Variants in SLC38A4 observed in about 807,000 individuals in gnomAD.
SLC38A4 encodes solute carrier family 38 member 4.
SLC38A4 carries 20 observed loss-of-function variants against 63.1 expected under a neutral mutation model. The ratio of observed to expected loss-of-function variants is 0.32; its 90% CI spans 0.22 to 0.46. SLC38A4 has a LOEUF of 0.46. Among genes scored for constraint, SLC38A4 ranks in the 20% least tolerant of loss-of-function variants. SLC38A4 has a pLI of 1.00. For missense variants in SLC38A4, 526 were observed against 663.6 expected, an observed-to-expected ratio of 0.79 and a Z score of 2.28; for synonymous variants, 230 against 225.5, an observed-to-expected ratio of 1.02 and a Z score of -0.18.
chr12:46,807,706 A>G (rs2120879814), intron 1 of SLC38A4, among the ~76,000 whole-genome samples: 1 of 152,148 alleles, frequency 6.6e-6, no homozygotes, highest in Non-Finnish European at 1.5e-5. Flanking sequence ...AAATAGCAGA[A>G]TTCTCTGCCA....
At chr12:46,784,973 C>G (rs919164728) in intron 6 of SLC38A4, 131 bp downstream of exon 6, 2 of 826,084 alleles carry the variant, frequency 2.4e-6, no homozygotes, top group Non-Finnish European at 2.0e-6. Flanking sequence ...ACTGAGAGAT[C>G]GTGTCACTGG....
intron 1 of SLC38A4, among the ~76,000 whole-genome samples, chr12:46,822,950 A>G (rs568151483): frequency 6.6e-6 from 1 of 152,348 alleles, no homozygotes; most frequent in East Asian, 1.9e-4. Context: ...TGCAACATAC[A>G]CAGTTTAACA....
chr12:46,810,580 C>T (rs565363984), intron 1 of SLC38A4, among the ~76,000 whole-genome samples: 27 of 151,352 alleles, frequency 1.8e-4, no homozygotes, highest in African/African-American at 6.3e-4. Context: ...AAATTATATA[C>T]ATAACATATA....
At chr12:46,774,223 A>G (rs1341712520) in intron 14 of SLC38A4, among the ~76,000 whole-genome samples, 1 of 152,100 alleles carries the variant, frequency 6.6e-6, no homozygotes, top group East Asian at 1.9e-4. Context: ...CATTATAGAA[A>G]TAGTCTTCAT....
At chr12:46,769,070 A>G (rs1938357879) in intron 15 of SLC38A4, among the ~76,000 whole-genome samples, 1 of 152,094 alleles carries the variant, frequency 6.6e-6, no homozygotes, top group Non-Finnish European at 1.5e-5. Context: ...TATCAGAAAA[A>G]GCAGCTTGAC....
At chr12:46,828,912 A>G (rs1354596244), upstream of SLC38A4, among the ~76,000 whole-genome samples, 1 of 152,188 alleles carries the variant, frequency 6.6e-6, no homozygotes, top group African/African-American at 2.4e-5. Context: ...CATTTCTCCT[A>G]TCTCTCACAC....
intron 7 of SLC38A4, among the ~76,000 whole-genome samples, chr12:46,780,473 C>G (rs1938616364): frequency 6.6e-6 from 1 of 151,974 alleles, no homozygotes; most frequent in African/African-American, 2.4e-5. Flanking sequence ...AGATGGGCAC[C>G]AATCTAGTCC....
At chr12:46,771,369 A>G (rs554158768) in intron 14 of SLC38A4, among the ~76,000 whole-genome samples, 2 of 152,232 alleles carry the variant, frequency 1.3e-5, no homozygotes, top group Non-Finnish European at 2.9e-5. Context: ...GAATAGTCAC[A>G]GTTTGTTTTT....
At chr12:46,785,055 CTT>C (rs1409637984) in intron 6 of SLC38A4, 47 bp downstream of exon 6, 1 of 1,406,236 alleles carries the variant, frequency 7.1e-7, no homozygotes, top group Non-Finnish European at 1.0e-6. Flanking sequence ...CTGAAATACT[CTT>C]TTATGAGAAT....
intron 2 of SLC38A4, among the ~76,000 whole-genome samples, chr12:46,795,696 C>T (rs1453647222): frequency 6.6e-6 from 1 of 152,012 alleles, no homozygotes; most frequent in Non-Finnish European, 1.5e-5. Flanking sequence ...TGCCTTCAAA[C>T]TTTGTTAATT....
At chr12:46,808,676 C>T (rs1042498051) in intron 1 of SLC38A4, among the ~76,000 whole-genome samples, 1 of 151,952 alleles carries the variant, frequency 6.6e-6, no homozygotes, top group South Asian at 2.1e-4. Context: ...CAGGCTTCCA[C>T]CTAAGCAGAA....
At chr12:46,799,279 C>A (rs906084574) in intron 2 of SLC38A4, among the ~76,000 whole-genome samples, 1 of 152,052 alleles carries the variant, frequency 6.6e-6, no homozygotes, top group African/African-American at 2.4e-5. Context: ...CAAATTAAGA[C>A]CTAATTTTAT....
chr12:46,807,724 G>C (rs1328339277), intron 1 of SLC38A4, among the ~76,000 whole-genome samples: 1 of 151,954 alleles, frequency 6.6e-6, no homozygotes, highest in Non-Finnish European at 1.5e-5. Context: ...CCATGATAAA[G>C]GGGAGTCAAG....
intron 1 of SLC38A4, among the ~76,000 whole-genome samples, chr12:46,815,899 T>G (rs922910783): frequency 6.6e-5 from 10 of 151,980 alleles, no homozygotes; most frequent in Admixed American, 2.6e-4. Context: ...GCATTAGCAT[T>G]CCTTGTCTTG....
chr12:46,785,738 C>CCTTTT (rs1489385010), intron 5 of SLC38A4, among the ~76,000 whole-genome samples: 20 of 66,924 alleles, frequency 3.0e-4, no homozygotes, highest in African/African-American at 1.0e-3. Flanking sequence ...ACGAAAATTC[C>CCTTTT]TTTTTTTTTT....
Position 46,793,048 on chromosome 12 carries a change from A to G in SLC38A4, c.24T>C (p.Asn8=), listed in dbSNP as rs1238217123. The G allele has an allele frequency of 3.7e-6, 6 of 1,612,868 alleles. No individual in the cohort carries two copies. The highest frequency in any genetic ancestry group is 5.1e-6 in the Non-Finnish European group (6 of 1,179,284). ...TCTCATCATCTGGTTCGATGTTGAC[A>G]TTTCTCAGTTCCATGGGATCCATTT... MDPMELR[N]VNIEPDDESS... Residue 8 remains asparagine (N), a synonymous_variant, in exon 3 of 17, where the codon AAT becomes AAC. Transcript: ENST00000266579.
chr12:46,767,243 T>C (rs1454954299), intron 16 of SLC38A4, among the ~76,000 whole-genome samples: 1 of 151,588 alleles, frequency 6.6e-6, no homozygotes, highest in African/African-American at 2.4e-5. Flanking sequence ...TATATATGTG[T>C]GTGTGTGTGT....
At chr12:46,775,896 T>A (rs1375256755) in intron 13 of SLC38A4, among the ~76,000 whole-genome samples, 2 of 151,882 alleles carry the variant, frequency 1.3e-5, no homozygotes, top group African/African-American at 2.4e-5. Flanking sequence ...CACCTCAAGA[T>A]CAGACAAAAA....
intron 1 of SLC38A4, among the ~76,000 whole-genome samples, chr12:46,814,920 C>G (rs1206996348): frequency 1.3e-5 from 2 of 151,776 alleles, no homozygotes; most frequent in Non-Finnish European, 2.9e-5. Flanking sequence ...GAGCTGAAGA[C>G]TAAAAGGCTG....
Sources: gnomAD v4.1 joint callset for allele counts (sites outside exome capture counted in the v4.1 genomes callset) on GRCh38, gnomAD v4.1.1 for gene constraint, MANE v1.5 for transcripts, NCBI Gene and HGNC (gene_info 2026-07-23, HGNC 2026-07-21) for gene names.